The following FBXO38 variants were observed in gnomAD, a reference collection of about 807,000 sequenced individuals.
The protein encoded by FBXO38 is F-box only protein 38.
FBXO38 carries 53 observed loss-of-function variants against 131.9 expected under a neutral mutation model. The observed-to-expected ratio is 0.40, with a 90% CI of 0.32 to 0.51. The LOEUF is 0.51. Among genes scored for constraint, FBXO38 ranks in the 20% least tolerant of loss-of-function variants. FBXO38 has a pLI of 0.53. For missense variants in FBXO38, 1,076 were observed against 1,475.6 expected (o/e 0.73, Z 4.44); for synonymous variants, 452 against 505.6 (o/e 0.89, Z 1.42).
chr5:148,418,988 A>T (rs549599016), intron 12 of FBXO38, among the ~76,000 whole-genome samples: 1 of 152,342 alleles, frequency 6.6e-6, no homozygotes, highest in Non-Finnish European at 1.5e-5. Flanking sequence ...TTTGGCATAA[A>T]AACCAAATAC....
intron 1 of FBXO38, among the ~76,000 whole-genome samples, chr5:148,390,190 T>G (rs1231980474): frequency 6.6e-6 from 1 of 152,166 alleles, no homozygotes; most frequent in Admixed American, 6.5e-5. Flanking sequence ...TAAATGAAGA[T>G]GAAGCCAACT....
chr5:148,404,948 C>A, intron 6 of FBXO38, 126 bp downstream of exon 6: 1 of 769,380 alleles, frequency 1.3e-6, no homozygotes, highest in Non-Finnish European at 1.9e-6. Context: ...ATAACATATT[C>A]ATCTTGTGAA....
intron 17 of FBXO38, chr5:148,435,015 A>T (rs1447274890): frequency 6.6e-6 from 1 of 152,122 alleles, no homozygotes; most frequent in African/African-American, 2.4e-5. Context: ...TCACTTGAAC[A>T]CAGGAGGCGG....
chr5:148,394,493 T>C (rs1258128957), intron 1 of FBXO38, among the ~76,000 whole-genome samples: 7 of 152,164 alleles, frequency 4.6e-5, no homozygotes, highest in African/African-American at 1.7e-4. Flanking sequence ...TTCTAAGTAA[T>C]GCATATTTAT....
intron 10 of FBXO38, 100 bp from the exon 11 acceptor site, chr5:148,415,828 A>G: frequency 2.3e-6 from 3 of 1,278,400 alleles, no homozygotes; most frequent in Non-Finnish European, 3.3e-6. Context: ...AGTTATTTTA[A>G]AAAAAAGGAT....
intron 6 of FBXO38, among the ~76,000 whole-genome samples, chr5:148,405,049 A>G (rs1223823056): frequency 6.7e-6 from 1 of 149,550 alleles, no homozygotes; most frequent in African/African-American, 2.4e-5. Flanking sequence ...GAATATCTCT[A>G]TTTTTTACGG....
At chr5:148,407,777 T>C (rs1002139644) in intron 7 of FBXO38, among the ~76,000 whole-genome samples, 7 of 151,898 alleles carry the variant, frequency 4.6e-5, no homozygotes, top group African/African-American at 1.7e-4. Flanking sequence ...TACAAAAAAT[T>C]AGCCCGTCGT....
intron 15 of FBXO38, among the ~76,000 whole-genome samples, chr5:148,432,872 C>T (rs183155839): frequency 6.6e-6 from 1 of 152,280 alleles, no homozygotes; most frequent in Non-Finnish European, 1.5e-5. Context: ...TTTGTTAAAA[C>T]TAAGTGCTTG....
At chr5:148,439,293 T>C (rs1437399672) in intron 18 of FBXO38, among the ~76,000 whole-genome samples, 1 of 152,160 alleles carries the variant, frequency 6.6e-6, no homozygotes, top group Non-Finnish European at 1.5e-5. Flanking sequence ...TTGAATAGGG[T>C]ATATGTTACT....
chr5:148,409,441 A>C (rs1452060081), intron 8 of FBXO38, among the ~76,000 whole-genome samples: 1 of 152,244 alleles, frequency 6.6e-6, no homozygotes, highest in Non-Finnish European at 1.5e-5. Context: ...CAAGCTCCAG[A>C]GTGGCATGGT....
At chr5:148,428,964 CT>C (rs1256969201) in intron 15 of FBXO38, among the ~76,000 whole-genome samples, 2 of 151,970 alleles carry the variant, frequency 1.3e-5, no homozygotes, top group African/African-American at 2.4e-5. Flanking sequence ...TTGATAATAT[CT>C]TTTTTTTAAT....
At chr5:148,440,048 T>C (rs1171168027) in intron 19 of FBXO38, among the ~76,000 whole-genome samples, 2 of 152,172 alleles carry the variant, frequency 1.3e-5, no homozygotes, top group East Asian at 3.8e-4. Context: ...GTAACATTAT[T>C]TAGCCTTGGG....
intron 15 of FBXO38, among the ~76,000 whole-genome samples, chr5:148,428,451 G>A (rs1160781658): frequency 6.6e-6 from 1 of 152,118 alleles, no homozygotes; most frequent in Non-Finnish European, 1.5e-5. Flanking sequence ...GAGATAAGCA[G>A]GTAAGTAAAT....
intron 9 of FBXO38, among the ~76,000 whole-genome samples, chr5:148,411,194 C>T (rs1752729496): frequency 1.3e-5 from 2 of 152,058 alleles, no homozygotes; most frequent in South Asian, 2.1e-4. Context: ...CCATAATAAG[C>T]CCGCTGGGGG....
intron 1 of FBXO38, among the ~76,000 whole-genome samples, chr5:148,393,557 T>C (rs1181231546): frequency 6.6e-6 from 1 of 152,118 alleles, no homozygotes; most frequent in African/African-American, 2.4e-5. Flanking sequence ...CTTTGTTATA[T>C]GAGGCTTCAC....
Position 148,394,829 on chromosome 5 carries a change from C to A in FBXO38, c.53C>A (p.Pro18Gln). 6.2e-7 allele frequency: 1 copy of A among 1,603,552 alleles called. No homozygotes were observed. Among genetic ancestry groups the A allele is most frequent in the South Asian group, 1.1e-5 (1 of 89,468 alleles). The change falls in exon 2 of 22, where the codon CCA becomes CAA. Residue 18 changes from proline (P) to glutamine (Q), a missense_variant. This residue lies in a region of FBXO38 where 58 missense variants were observed against 53.1 expected (regional missense o/e 1.09). Transcript: ENST00000340253. ...VKTCIMNNEIPEEMTADETKD... is the reference protein window; with the variant it reads ...VKTCIMNNEIQEEMTADETKD... ...ACATGTATCATGAATAATGAAATTC[C>A]AGAAGAAATGACAGCAGATGAAACA...
intron 15 of FBXO38, among the ~76,000 whole-genome samples, chr5:148,431,115 A>G (rs1038381507): frequency 5.9e-5 from 9 of 152,198 alleles, no homozygotes; most frequent in African/African-American, 2.2e-4. Context: ...TTTCACCAGT[A>G]TATTTCTATC....
intron 15 of FBXO38, among the ~76,000 whole-genome samples, chr5:148,431,841 A>G (rs1014779443): frequency 5.9e-5 from 9 of 152,208 alleles, no homozygotes; most frequent in African/African-American, 2.2e-4. Context: ...CTTAGTTTCA[A>G]GGTCCTTGGA....
intron 9 of FBXO38, 126 bp downstream of exon 9, chr5:148,410,891 C>A (rs377312116): frequency 2.5e-6 from 2 of 801,190 alleles, no homozygotes; most frequent in African/African-American, 1.8e-5. Context: ...GGTGCTCTCA[C>A]GTCTTGAAAA....
Sources: allele counts gnomAD v4.1 joint callset (sites outside exome capture counted in the v4.1 genomes callset), GRCh38; gene constraint gnomAD v4.1.1; regional missense constraint gnomAD v4.1.1; transcripts MANE v1.5; gene names NCBI Gene and HGNC (gene_info 2026-07-23, HGNC 2026-07-21).